Variants in ABCA8 observed in about 807,000 individuals in gnomAD.
ABCA8 encodes ABC-type organic anion transporter ABCA8.
ABCA8 carries 177 observed loss-of-function variants against 192.3 expected under a neutral mutation model. The observed-to-expected ratio is 0.92, with a 90% CI of 0.81 to 1.04. The LOEUF is 1.04. Ranked by LOEUF, ABCA8 falls within the 50% of genes least tolerant of loss-of-function variation. The pLI, the probability that ABCA8 is intolerant of heterozygous loss-of-function variation, is 0.00. For missense variants in ABCA8, 1,915 were observed against 1,904.8 expected (o/e 1.01, Z -0.10); for synonymous variants, 642 against 690.2 (o/e 0.93, Z 1.09).
chr17:68,885,076 G>T, intron 27 of ABCA8, 120 bp downstream of exon 27: 1 of 1,238,170 alleles, frequency 8.1e-7, no homozygotes, highest in Non-Finnish European at 1.1e-6. Flanking sequence ...GATTCCGTCA[G>T]GCAGAAATCT....
chr17:68,908,079 T>C (rs568416465), intron 17 of ABCA8, among the ~76,000 whole-genome samples, 200 bp from the exon 18 acceptor site: 1 of 152,162 alleles, frequency 6.6e-6, no homozygotes, highest in African/African-American at 2.4e-5. Flanking sequence ...ATAAATGTGA[T>C]GGACAAAAGA....
In ABCA8 at chr17:68,929,601, A is replaced by G. The variant is rs1441751317; in HGVS notation, c.899T>C (p.Met300Thr). 2 of 1,613,880 alleles carry G rather than the reference A, an allele frequency of 1.2e-6. No individual in the cohort carries two copies. Reference sequence around the variant, plus strand: ...CAGGAGAAAGAGGCTGAAGACTACCATGAAGCCAGACAAAATGATAAACTG... The same window carrying G: ...CAGGAGAAAGAGGCTGAAGACTACCGTGAAGCCAGACAAAATGATAAACTG... ...STQFIILSGF[M>T]VVFSLFLLYG... is the part of the protein sequence containing the mutation. The change falls in exon 8 of 40, where the codon ATG becomes ACG. Residue 300 changes from methionine (M) to threonine (T), a missense_variant. Transcript: ENST00000586539.
rs2068507903 is a variant in ABCA8, at chr17:68,949,443, A to G, written c.-137T>C. On this transcript the variant is annotated 5_prime_UTR_variant, in exon 2 of 40. It removes the in-frame stop codon of an upstream open reading frame in the 5' UTR. Transcript: ENST00000586539. ...GAGGGACTCCTCTCTAACTCACATTATGAGGCCAACATCATCCTGCTACCA... is the reference window on the plus strand; with the variant it reads ...GAGGGACTCCTCTCTAACTCACATTGTGAGGCCAACATCATCCTGCTACCA... 2.0e-5 allele frequency: 3 copies of G among 152,188 alleles called. No homozygotes were observed. Among genetic ancestry groups the G allele is most frequent in the South Asian group, 2.1e-4 (1 of 4,834 alleles). 9.4% of individuals were successfully genotyped at this position (152,188 alleles called of 1,614,324 possible).
chr17:68,870,772 C>G (rs756583246), intron 37 of ABCA8, among the ~76,000 whole-genome samples: 1 of 152,192 alleles, frequency 6.6e-6, no homozygotes, highest in Non-Finnish European at 1.5e-5. Flanking sequence ...GTTTACACAT[C>G]TTGGCTATTA....
intron 2 of ABCA8, among the ~76,000 whole-genome samples, chr17:68,945,333 A>G (rs1567887316): frequency 6.6e-6 from 1 of 150,784 alleles, no homozygotes; most frequent in Non-Finnish European, 1.5e-5. Flanking sequence ...TACTCAGTTG[A>G]TTTTTTTTTG....
chr17:68,898,373 A>G (rs1427786737), intron 21 of ABCA8, among the ~76,000 whole-genome samples: 1 of 152,162 alleles, frequency 6.6e-6, no homozygotes, highest in East Asian at 1.9e-4. Flanking sequence ...TAAAAATAAT[A>G]AAGAATAAAA....
chr17:68,908,581 T>C (rs961378069), intron 17 of ABCA8, among the ~76,000 whole-genome samples: 3 of 152,208 alleles, frequency 2.0e-5, no homozygotes, highest in Non-Finnish European at 2.9e-5. Flanking sequence ...AAACTAATAA[T>C]GGATGAATGT....
intron 24 of ABCA8, among the ~76,000 whole-genome samples, chr17:68,887,923 T>TCC: frequency 6.3e-5 from 1 of 15,760 alleles, no homozygotes; most frequent in African/African-American, 6.2e-4. Flanking sequence ...TATATATATA[T>TCC]ATTATATATG....
chr17:68,876,832 G>A (rs1249815527), intron 33 of ABCA8, 129 bp from the exon 34 acceptor site: 3 of 1,061,960 alleles, frequency 2.8e-6, no homozygotes, highest in Non-Finnish European at 4.1e-6. Flanking sequence ...GGGGGGCAGG[G>A]AAGGAGGGGT....
intron 21 of ABCA8, among the ~76,000 whole-genome samples, chr17:68,901,274 C>T (rs186225981): frequency 1.3e-5 from 2 of 151,830 alleles, no homozygotes; most frequent in South Asian, 4.1e-4. Context: ...GAATTTTTAT[C>T]ATAACACTTA....
intron 21 of ABCA8, among the ~76,000 whole-genome samples, chr17:68,896,791 G>A (rs933167896): frequency 6.6e-6 from 1 of 152,008 alleles, no homozygotes; most frequent in African/African-American, 2.4e-5. Context: ...GACTTAATAA[G>A]GAAACAATAA....
chr17:68,935,757 A>G (rs1216209323), intron 5 of ABCA8, among the ~76,000 whole-genome samples: 1 of 151,774 alleles, frequency 6.6e-6, no homozygotes, highest in Non-Finnish European at 1.5e-5. Flanking sequence ...TATTTCTTTG[A>G]GAAATCTCCA....
At chr17:68,942,836 T>C (rs1024251125) in intron 2 of ABCA8, among the ~76,000 whole-genome samples, 1 of 152,208 alleles carries the variant, frequency 6.6e-6, no homozygotes, top group African/African-American at 2.4e-5. Flanking sequence ...TATTCAATAG[T>C]TCTGTATATT....
Position 68,929,594 on chromosome 17 carries a change from G to A in ABCA8, c.906C>T (p.Val302=), listed in dbSNP as rs2067802055. 1.2e-6 allele frequency: 2 copies of A among 1,613,710 alleles called. No individual in the cohort carries two copies. The highest frequency in any genetic ancestry group is 4.5e-5 in the East Asian group (2 of 44,828). The change falls in exon 8 of 40, where the codon GTC becomes GTT. Residue 302 remains valine, a synonymous_variant. Transcript: ENST00000586539. ...QFIILSGFMV[V]FSLFLLYGLS... is the part of the protein sequence containing the mutation. ...ATCCATACAGGAGAAAGAGGCTGAA[G>A]ACTACCATGAAGCCAGACAAAATGA... is the stretch of plus-strand genomic sequence containing the variant.
chr17:68,937,015 T>C lies in ABCA8; in HGVS notation c.402A>G (p.Ser134=), dbSNP rs112057204. ...IVRVTFTNTY[S]YHLKFLLGHG... ...GTCCTAGCAAGAACTTCAAATGATA[T>C]GAGTATGTATTAGTAAAGGTGACTC... The change falls in exon 5 of 40, where the codon TCA becomes TCG. Residue 134 remains serine, a synonymous_variant. Coordinates refer to ENST00000586539, the MANE Select transcript of ABCA8 (RefSeq NM_001288985.2). The C allele has an allele frequency of 4.7e-4, 753 of 1,609,324 alleles. 3 individuals carry two copies. In the African/African-American group the frequency reaches 8.4e-3, roughly 18 times the overall value.
In ABCA8 at chr17:68,879,845, G is replaced by C. The variant is rs755312712; in HGVS notation, c.4038+1275C>G. 1.4e-3 allele frequency: 207 copies of C among 152,580 alleles called. 1 individual carries two copies. Among genetic ancestry groups the C allele is most frequent in the Non-Finnish European group, 2.0e-3 (138 of 68,310 alleles). The allele number at this position is 152,580 out of a possible 1,614,324, so 9.5% of individuals were successfully genotyped here. ...CGCTCTGGATTTTGGGCCCTGACAA[G>C]TGTGGGAGGGAGTCCGGGGGGGTGC... On this transcript the variant is annotated intron_variant, in intron 32 of 39. Transcript: ENST00000586539.
Position 68,887,400 on chromosome 17 carries a change from A to G in ABCA8, c.3251T>C (p.Ile1084Thr), listed in dbSNP as rs1475945604. 3 of 1,613,290 alleles carry G rather than the reference A, an allele frequency of 1.9e-6. No homozygotes were observed. In the Middle Eastern group the frequency reaches 4.9e-4, roughly 266 times the overall value. ...GTTTGAAATGTAGCTCATTAAATATATAAAAACGAAGACCAAGAAGTACAG... is the reference window on the plus strand; with the variant it reads ...GTTTGAAATGTAGCTCATTAAATATGTAAAAACGAAGACCAAGAAGTACAG... ...VSLYFLVFVF[I>T]YLMSYISNFE... Residue 1084 changes from isoleucine (I) to threonine (T), a missense_variant, in exon 25 of 40, where the codon ATA becomes ACA. Ile to Thr is a moderately conservative substitution (Grantham distance 89, BLOSUM62 -1). Transcript: ENST00000586539.
At chr17:68,878,527 A>C (rs2143267834) in intron 32 of ABCA8, 1 of 152,322 alleles carries the variant, frequency 6.6e-6, no homozygotes, top group African/African-American at 2.4e-5. Context: ...AATCAGGAGA[A>C]TGCATGGATT....
In ABCA8 at chr17:68,937,086, C is replaced by A; in HGVS notation, c.331G>T (p.Glu111Ter). Reference protein sequence around the residue: ...GKEVLGLPDEESIKEFTANYP... With the variant: ...GKEVLGLPDE Reference sequence around the variant, plus strand: ...TTTGCTGTGAATTCTTTAATACTTTCCTCATCTGGCAGTCCCAAGACCTCT... The same window carrying A: ...TTTGCTGTGAATTCTTTAATACTTTACTCATCTGGCAGTCCCAAGACCTCT... The change falls in exon 5 of 40, where the codon GAA becomes TAA. Residue 111 changes from glutamate to a stop codon, truncating the protein, a stop_gained. Coordinates refer to ENST00000586539, the MANE Select transcript of ABCA8 (RefSeq NM_001288985.2). LOFTEE classifies it high-confidence loss of function. 1 of 1,608,072 alleles carries A rather than the reference C, an allele frequency of 6.2e-7. No homozygotes were observed. Among genetic ancestry groups the A allele is most frequent in the East Asian group, 2.3e-5 (1 of 44,356 alleles).
Sources: gnomAD v4.1 joint callset for allele counts (sites outside exome capture counted in the v4.1 genomes callset) on GRCh38, gnomAD v4.1.1 for gene constraint, MANE v1.5 for transcripts, NCBI Gene and HGNC (gene_info 2026-07-23, HGNC 2026-07-21) for gene names.